Variants in AKR1C1 observed in about 807,000 individuals in gnomAD.
The protein encoded by AKR1C1 is 20 alpha-hydroxysteroid dehydrogenase.
A neutral mutation model predicts 40.6 loss-of-function variants in AKR1C1; 32 were observed. The ratio of observed to expected loss-of-function variants is 0.79; its 90% confidence interval spans 0.60 to 1.06. AKR1C1 has a LOEUF of 1.06. Among genes scored for constraint, AKR1C1 ranks in the 50% least tolerant of loss-of-function variants. The probability of loss-of-function intolerance (pLI) is 0.00; values close to 1 mark genes in which losing one functional copy is unlikely to be tolerated. For missense variants in AKR1C1, 320 were observed against 363.5 expected (o/e 0.88, Z 0.97); for synonymous variants, 105 against 134.2 (o/e 0.78, Z 1.50).
chr10:4,969,308 G>A (rs28451635), intron 5 of AKR1C1, among the ~76,000 whole-genome samples: 6,803 of 147,832 alleles, frequency 0.046, 297 homozygotes, highest in African/African-American at 0.16. Flanking sequence ...ATATGAAGCC[G>A]TGAAGAGATG....
chr10:4,974,198 A>G (rs1486183316), intron 7 of AKR1C1, among the ~76,000 whole-genome samples: 37 of 151,856 alleles, frequency 2.4e-4, no homozygotes, highest in African/African-American at 7.7e-4. Flanking sequence ...TGTGGAAATT[A>G]TCAGTATTTA....
At chr10:4,966,110 A>G (rs199888300) in intron 2 of AKR1C1, 29 bp downstream of exon 2, 110 of 1,599,090 alleles carry the variant, frequency 6.9e-5, no homozygotes, top group Admixed American at 3.1e-4. Context: ...GCTTGTGTGC[A>G]CATGTATTTA....
At position 4,982,924 on chromosome 10, in the gene AKR1C1, C is replaced by A. The variant is rs546546121; in HGVS notation, c.*5182C>A. 10 of 449,982 alleles carry A rather than the reference C, an allele frequency of 2.2e-5. No homozygotes were observed. The highest frequency in any genetic ancestry group is 3.6e-5 in the Non-Finnish European group (8 of 224,614). The allele number at this position is 449,982 out of a possible 1,614,324, so 27.9% of individuals were successfully genotyped here. On this transcript the variant is annotated 3_prime_UTR_variant, in exon 9 of 9. Transcript: ENST00000380872. ...CTTGAGTCGGTCCGCATGACAAGTT[C>A]ACCGCTCGCATAACCAGCATTCAAG...
Position 4,968,722 on chromosome 10 carries a change from G to A in AKR1C1, c.448-100G>A, listed in dbSNP as rs574196251. ...TTATTTTTTCCCTTTTAAGAACCACGGCTAGCTAGTTTTATTGTCATATCT... is the reference window on the plus strand; with the variant it reads ...TTATTTTTTCCCTTTTAAGAACCACAGCTAGCTAGTTTTATTGTCATATCT... On this transcript the variant is annotated intron_variant, in intron 4 of 8. Coordinates refer to ENST00000380872, the MANE Select transcript of AKR1C1 (RefSeq NM_001353.6). The A allele has an allele frequency of 2.7e-5, 42 of 1,567,582 alleles. No individual in the cohort carries two copies. The Middle Eastern group carries it at 5.1e-4, about 19-fold the overall frequency.
At chr10:4,968,499 C>A (rs1294701709) in intron 4 of AKR1C1, 113 bp downstream of exon 4, 1 of 1,494,580 alleles carries the variant, frequency 6.7e-7, no homozygotes, top group Non-Finnish European at 9.1e-7. Context: ...AACTTAGGAA[C>A]TTTACAAAGG....
At chr10:4,971,879 T>C (rs1240150569) in intron 5 of AKR1C1, among the ~76,000 whole-genome samples, 2 of 151,726 alleles carry the variant, frequency 1.3e-5, no homozygotes, top group African/African-American at 4.9e-5. Flanking sequence ...AAATTCTTGA[T>C]TTCTGGCACG....
At chr10:4,965,880 A>C in intron 1 of AKR1C1, 34 bp from the exon 2 acceptor site, 1 of 1,593,346 alleles carries the variant, frequency 6.3e-7, no homozygotes, top group Non-Finnish European at 8.5e-7. Context: ...CAGGCACATT[A>C]GTCAGAAAAT....
intron 5 of AKR1C1, among the ~76,000 whole-genome samples, chr10:4,971,803 A>G (rs1465408692): frequency 1.3e-5 from 2 of 151,976 alleles, no homozygotes; most frequent in African/African-American, 4.8e-5. Flanking sequence ...ACATGTATGC[A>G]TTTTTGGTAT....
In AKR1C1 at chr10:4,967,047, G is replaced by C. The variant is rs547017467; in HGVS notation, c.369+4G>C. On this transcript the variant is annotated splice_donor_region_variant and intron_variant, in intron 3 of 8. Transcript: ENST00000380872. Reference sequence around the variant, plus strand: ...TCATTTTCCAGTGTCTGTAAAGGTAGGCAGCTTGTGTGATCAAATTAATTT... The same window carrying C: ...TCATTTTCCAGTGTCTGTAAAGGTACGCAGCTTGTGTGATCAAATTAATTT... The C allele has an allele frequency of 6.2e-7, 1 of 1,610,780 alleles. No individual in the cohort carries two copies. Among genetic ancestry groups the C allele is most frequent in the African/African-American group, 1.3e-5 (1 of 74,958 alleles).
intron 5 of AKR1C1, among the ~76,000 whole-genome samples, chr10:4,970,958 A>G (rs1836416516): frequency 6.6e-6 from 1 of 151,956 alleles, no homozygotes; most frequent in Non-Finnish European, 1.5e-5. Flanking sequence ...CTTAAAGTAT[A>G]ATAAAAAAAA....
Position 4,982,897 on chromosome 10 carries a change from G to T in AKR1C1, c.*5155G>T. ...CGTACCACACCCTGACCAGTCAGAGGTCTTGAGTCGGTCCGCATGACAAGT... is the reference window on the plus strand; with the variant it reads ...CGTACCACACCCTGACCAGTCAGAGTTCTTGAGTCGGTCCGCATGACAAGT... On this transcript the variant is annotated 3_prime_UTR_variant, in exon 9 of 9. Transcript: ENST00000380872. The T allele has an allele frequency of 2.3e-6, 1 of 441,750 alleles. No individual in the cohort carries two copies. The highest frequency in any genetic ancestry group is 4.5e-6 in the Non-Finnish European group (1 of 220,110). The allele number at this position is 441,750 out of a possible 1,614,324, so 27.4% of individuals were successfully genotyped here. A position where few individuals can be genotyped will look rare whatever the true frequency, so the allele number is the denominator to read the frequency against.
intron 5 of AKR1C1, among the ~76,000 whole-genome samples, chr10:4,971,035 T>C (rs1836418392): frequency 6.6e-6 from 1 of 152,008 alleles, no homozygotes; most frequent in African/African-American, 2.4e-5. Flanking sequence ...CTTTAACAAT[T>C]ACTAGTAATC....
At chr10:4,971,591 T>C (rs2131644516) in intron 5 of AKR1C1, among the ~76,000 whole-genome samples, 1 of 148,272 alleles carries the variant, frequency 6.7e-6, no homozygotes, top group Admixed American at 6.8e-5. Context: ...AAAGCACTTG[T>C]TTCATAGGGA....
At chr10:4,966,130 T>C (rs1472537427) in intron 2 of AKR1C1, 49 bp downstream of exon 2, 1 of 1,575,804 alleles carries the variant, frequency 6.3e-7, no homozygotes. Flanking sequence ...ATTGTGATTG[T>C]GTGGAGGTGG....
chr10:4,971,629 C>T (rs1554769843), intron 5 of AKR1C1, among the ~76,000 whole-genome samples: 1 of 148,980 alleles, frequency 6.7e-6, no homozygotes, highest in Non-Finnish European at 1.5e-5. Context: ...GAGATATCAA[C>T]ATACAAATCC....
At chr10:4,973,423 C>T (rs1258973190) in intron 7 of AKR1C1, among the ~76,000 whole-genome samples, 1 of 152,208 alleles carries the variant, frequency 6.6e-6, no homozygotes, top group African/African-American at 2.4e-5. Flanking sequence ...GTCCCTGGGG[C>T]ATCTGTGTGA....
chr10:4,971,047 G>T (rs1316672154), intron 5 of AKR1C1, among the ~76,000 whole-genome samples: 4 of 151,792 alleles, frequency 2.6e-5, no homozygotes, highest in Non-Finnish European at 5.9e-5. Context: ...CTAGTAATCT[G>T]CTGGGGGATA....
intron 5 of AKR1C1, among the ~76,000 whole-genome samples, chr10:4,970,896 C>T (rs1467841385): frequency 6.6e-6 from 1 of 151,416 alleles, no homozygotes; most frequent in African/African-American, 2.4e-5. Flanking sequence ...ACCAACATGG[C>T]ACATGTATAC....
At position 4,977,809 on chromosome 10, in the gene AKR1C1, C is replaced by T. The variant is rs1836551003; in HGVS notation, c.*67C>T. The T allele has an allele frequency of 2.7e-6, 4 of 1,480,892 alleles. No homozygotes were observed. The South Asian group carries it at 4.7e-5, about 17-fold the overall frequency. The allele number at this position is 1,480,892 out of a possible 1,614,324, so 91.7% of individuals were successfully genotyped here. Reference sequence around the variant, plus strand: ...GTGGATGGTGACACAGAGGATGGCTCTATGCTGGTGACTGGACACATCGCC... The same window carrying T: ...GTGGATGGTGACACAGAGGATGGCTTTATGCTGGTGACTGGACACATCGCC... On this transcript the variant is annotated 3_prime_UTR_variant, in exon 9 of 9. Transcript: ENST00000380872.
Sources: gnomAD v4.1 joint callset for allele counts (sites outside exome capture counted in the v4.1 genomes callset) on GRCh38, gnomAD v4.1.1 for gene constraint, MANE v1.5 for transcripts, NCBI Gene and HGNC (gene_info 2026-07-23, HGNC 2026-07-21) for gene names.